The following ASCC3 variants were observed in gnomAD, a reference collection of about 807,000 sequenced individuals.
ASCC3 encodes the protein ASC-1 complex subunit P200.
ASCC3 carries 158 observed loss-of-function variants against 256.3 expected under a neutral mutation model. The ratio of observed to expected loss-of-function variants is 0.62; its 90% CI spans 0.54 to 0.70. The LOEUF (loss-of-function observed/expected upper bound fraction) is 0.70, where lower values mean the gene tolerates loss of function less well. Among genes scored for constraint, ASCC3 ranks in the 30% least tolerant of loss-of-function variants. ASCC3 has a pLI of 0.00. For synonymous variants in ASCC3, 948 were observed against 883.4 expected, an observed-to-expected ratio of 1.07 and a Z score of -1.30; for missense variants, 2,259 against 2,626.0, an observed-to-expected ratio of 0.86 and a Z score of 3.05.
At chr6:100,722,137 G>A (rs1364652537) in intron 11 of ASCC3, among the ~76,000 whole-genome samples, 1 of 151,674 alleles carries the variant, frequency 6.6e-6, no homozygotes, top group Admixed American at 6.6e-5. Context: ...AAGATCAGAT[G>A]GTTGTAGGTA....
intron 3 of ASCC3, among the ~76,000 whole-genome samples, chr6:100,850,360 C>A (rs186473910): frequency 1.3e-5 from 2 of 152,248 alleles, no homozygotes; most frequent in East Asian, 3.9e-4. Context: ...TTGTTCAAAT[C>A]CTACCCATGT....
At chr6:100,825,471 C>T (rs533984311) in intron 4 of ASCC3, among the ~76,000 whole-genome samples, 4 of 152,194 alleles carry the variant, frequency 2.6e-5, no homozygotes, top group South Asian at 2.1e-4. Flanking sequence ...CTTAAAAAAT[C>T]GCATTCAGTC....
intron 10 of ASCC3, among the ~76,000 whole-genome samples, chr6:100,736,006 C>T (rs924920129): frequency 4.6e-5 from 7 of 152,074 alleles, no homozygotes; most frequent in Non-Finnish European, 1.0e-4. Flanking sequence ...AATACACCCA[C>T]AAGTACAACA....
intron 10 of ASCC3, among the ~76,000 whole-genome samples, chr6:100,755,070 G>A (rs962531242): frequency 2.6e-5 from 4 of 151,472 alleles, no homozygotes; most frequent in Non-Finnish European, 4.4e-5. Context: ...GGACTAATAC[G>A]AGATCCCGCA....
chr6:100,515,571 T>C (rs1318730547), intron 39 of ASCC3, among the ~76,000 whole-genome samples: 1 of 152,216 alleles, frequency 6.6e-6, no homozygotes, highest in East Asian at 1.9e-4. Flanking sequence ...TTCCTAAAGA[T>C]TGCTTGGAGA....
At chr6:100,752,379 T>TA (rs1449574283) in intron 10 of ASCC3, among the ~76,000 whole-genome samples, 1 of 152,124 alleles carries the variant, frequency 6.6e-6, no homozygotes, top group Non-Finnish European at 1.5e-5. Context: ...TTTAAACAGT[T>TA]AGACTAGAAA....
intron 14 of ASCC3, among the ~76,000 whole-genome samples, chr6:100,678,423 T>C (rs547338415): frequency 1.2e-3 from 188 of 152,036 alleles, no homozygotes; most frequent in African/African-American, 4.2e-3. Context: ...AGTAAAAAAA[T>C]AGAAAATGAA....
intron 36 of ASCC3, among the ~76,000 whole-genome samples, chr6:100,543,318 AT>A (rs1261743768): frequency 6.6e-6 from 1 of 152,184 alleles, no homozygotes; most frequent in East Asian, 1.9e-4. Flanking sequence ...AAATGCAGCC[AT>A]TTTTTTATGA....
At position 100,629,109 on chromosome 6, in the gene ASCC3, C is replaced by T. The variant is rs1259478317; in HGVS notation, c.4281G>A (p.Thr1427=). 1.2e-5 allele frequency: 19 copies of T among 1,613,638 alleles called. No individual in the cohort carries two copies. Among genetic ancestry groups the T allele is most frequent in the South Asian group, 3.3e-5 (3 of 91,064 alleles). ...TGCTGACTCCATCCCACTTCTCTGGCGTAGTGACGATAAGGTCAGCCTTGG... is the reference window on the plus strand; with the variant it reads ...TGCTGACTCCATCCCACTTCTCTGGTGTAGTGACGATAAGGTCAGCCTTGG... ...SIAKADLIVT[T]PEKWDGVSRS... The change falls in exon 27 of 42, where the codon ACG becomes ACA. Residue 1427 remains threonine, a synonymous_variant. Transcript: ENST00000369162.
rs1331828352 is a variant in ASCC3 at position 100,652,792 on chromosome 6, C to T, written c.2921G>A (p.Gly974Glu). The T allele has an allele frequency of 6.2e-7, 1 of 1,613,830 alleles. No individual in the cohort carries two copies. The highest frequency in any genetic ancestry group is 8.5e-7 in the Non-Finnish European group (1 of 1,179,898). ...ACCCAAATCAGTTGAGGAAAAATAT[C>T]CAGTTCGCTCCTCAAAACGAATCAT... ...AQMIRFEERT[G>E]YFSSTDLGRT... Residue 974 changes from glycine to glutamate, a missense_variant, in exon 18 of 42, where the codon GGA (glycine) becomes GAA (glutamate). Transcript: ENST00000369162.
intron 19 of ASCC3, among the ~76,000 whole-genome samples, chr6:100,651,304 T>C (rs948363410): frequency 1.3e-5 from 2 of 151,914 alleles, no homozygotes; most frequent in African/African-American, 4.8e-5. Flanking sequence ...AAAATCTTCA[T>C]ACTACATTCT....
At chr6:100,753,560 G>A (rs1281252153) in intron 10 of ASCC3, among the ~76,000 whole-genome samples, 1 of 151,540 alleles carries the variant, frequency 6.6e-6, no homozygotes, top group Non-Finnish European at 1.5e-5. Context: ...GGAGTGCAGT[G>A]GCTAATCACA....
chr6:100,634,480 A>G (rs1213980064), intron 25 of ASCC3, among the ~76,000 whole-genome samples: 1 of 152,166 alleles, frequency 6.6e-6, no homozygotes, highest in Non-Finnish European at 1.5e-5. Flanking sequence ...CCTGAGGATA[A>G]GCGGGGACTA....
intron 1 of ASCC3, among the ~76,000 whole-genome samples, chr6:100,878,553 C>T (rs1221115623): frequency 6.6e-6 from 1 of 152,118 alleles, no homozygotes; most frequent in East Asian, 1.9e-4. Flanking sequence ...AAAGATGAAA[C>T]GAGCACAAGA....
At chr6:100,540,008 T>C (rs1775367763) in intron 37 of ASCC3, among the ~76,000 whole-genome samples, 155 bp downstream of exon 37, 2 of 152,162 alleles carry the variant, frequency 1.3e-5, no homozygotes, top group South Asian at 4.1e-4. Context: ...ATATTTGCTT[T>C]TACTTTGGAA....
intron 2 of ASCC3, 107 bp downstream of exon 2, chr6:100,867,801 T>C (rs1393964580): frequency 1.0e-6 from 1 of 998,864 alleles, no homozygotes; most frequent in East Asian, 2.6e-5. Flanking sequence ...CCAAACAAGA[T>C]AAAACTTCCA....
At chr6:100,589,847 T>G (rs1256505700) in intron 35 of ASCC3, 79 bp from the exon 36 acceptor site, 1 of 1,597,978 alleles carries the variant, frequency 6.3e-7, no homozygotes, top group South Asian at 1.1e-5. Context: ...ACAGGTGCTT[T>G]TGAAACAATT....
chr6:100,686,956 T>G (rs1777596166), intron 13 of ASCC3, among the ~76,000 whole-genome samples: 1 of 151,972 alleles, frequency 6.6e-6, no homozygotes, highest in South Asian at 2.1e-4. Context: ...TATCTTTTGA[T>G]TTTTACTTTT....
chr6:100,599,997 C>T (rs1195646009), intron 34 of ASCC3, among the ~76,000 whole-genome samples: 1 of 152,038 alleles, frequency 6.6e-6, no homozygotes. Flanking sequence ...CTATTCGTTA[C>T]TTTCCAGATG....
Sources: allele counts gnomAD v4.1 joint callset (sites outside exome capture counted in the v4.1 genomes callset), GRCh38; gene constraint gnomAD v4.1.1; transcripts MANE v1.5; gene names NCBI Gene and HGNC (gene_info 2026-07-23, HGNC 2026-07-21).